Variants in ABLIM2 observed in about 807,000 individuals in gnomAD.
The protein encoded by ABLIM2 is actin binding LIM protein family member 2.
Under a neutral mutation model 97.7 loss-of-function variants are expected in ABLIM2, and 53 were observed. The observed-to-expected ratio is 0.54, with a 90% confidence interval of 0.44 to 0.68. The LOEUF is 0.68. Ranked by LOEUF, ABLIM2 falls within the 30% of genes least tolerant of loss-of-function variation. ABLIM2 has a pLI of 0.00. For synonymous variants in ABLIM2, 361 were observed against 345.8 expected, an observed-to-expected ratio of 1.04 and a Z score of -0.49; for missense variants, 835 against 867.2, an observed-to-expected ratio of 0.96 and a Z score of 0.47.
At chr4:8,026,842 C>A (rs1321304551) in intron 12 of ABLIM2, among the ~76,000 whole-genome samples, 1 of 150,372 alleles carries the variant, frequency 6.7e-6, no homozygotes, top group Non-Finnish European at 1.5e-5. Flanking sequence ...TCTGCAGTGG[C>A]CTTTTACCTG....
Position 8,158,731 on chromosome 4 carries a change from A to G in ABLIM2, c.-42T>C. ...AGTCGGGGCGGCCCGGCGCTGCGAC[A>G]GCCAGACCCTCGGGCCCGCAGGTGC... On this transcript the variant is annotated 5_prime_UTR_variant, in exon 1 of 21. Coordinates refer to ENST00000447017, the MANE Select transcript of ABLIM2 (RefSeq NM_001130083.2). 1 of 1,409,814 alleles carries G rather than the reference A, an allele frequency of 7.1e-7. No individual in the cohort carries two copies. The highest frequency in any genetic ancestry group is 1.5e-5 in the South Asian group (1 of 67,816). The allele number at this position is 1,409,814 out of a possible 1,614,324, so 87.3% of individuals were successfully genotyped here.
At chr4:7,993,881 C>T (rs932815103) in intron 16 of ABLIM2, 9 of 498,070 alleles carry the variant, frequency 1.8e-5, no homozygotes, top group African/African-American at 3.9e-5. Flanking sequence ...CACTCATGTC[C>T]CTGGCTGGCC....
intron 1 of ABLIM2, among the ~76,000 whole-genome samples, chr4:8,117,724 A>G (rs924906620): frequency 6.6e-6 from 1 of 151,970 alleles, no homozygotes; most frequent in Non-Finnish European, 1.5e-5. Context: ...ACCTAACCGT[A>G]CTGGGATGAC....
chr4:8,040,816 C>A (rs2151602554), intron 9 of ABLIM2, among the ~76,000 whole-genome samples: 1 of 152,296 alleles, frequency 6.6e-6, no homozygotes, highest in African/African-American at 2.4e-5. Flanking sequence ...TGCAGCCAGG[C>A]TGGGTGCTGA....
chr4:8,007,178 CA>C lies in ABLIM2; in HGVS notation c.1618+880del, dbSNP rs564152002. On this transcript the variant is annotated intron_variant, in intron 16 of 20. Coordinates refer to ENST00000447017, the MANE Select transcript of ABLIM2 (RefSeq NM_001130083.2). The stretch of plus-strand genomic sequence containing the variant: ...TGAGGATGAGGATGAGGATGAGAAA[CA>C]GTTTCTGTTTACTGAGCAGCTACTA... 6.1e-6 allele frequency: 6 copies of C among 985,300 alleles called. No homozygotes were observed. In the South Asian group the frequency reaches 2.8e-4, roughly 46 times the overall value. 61.0% of individuals were successfully genotyped at this position (985,300 alleles called of 1,614,324 possible). A position where few individuals can be genotyped will look rare whatever the true frequency, so the allele number is the denominator to read the frequency against.
chr4:8,100,863 C>T (rs1276891708), intron 2 of ABLIM2, among the ~76,000 whole-genome samples: 5 of 151,534 alleles, frequency 3.3e-5, no homozygotes, highest in Non-Finnish European at 5.9e-5. Context: ...GTGACGACTA[C>T]ATTTACTGTG....
chr4:8,148,307 G>A lies in ABLIM2; in HGVS notation c.10+10373C>T, dbSNP rs1284345926. On this transcript the variant is annotated intron_variant, in intron 1 of 20. Coordinates refer to ENST00000447017, the MANE Select transcript of ABLIM2 (RefSeq NM_001130083.2). This position sits in a 1 kb window ranked among gnomAD's most constrained non-coding sequence, Gnocchi z 6.7. ...GGATGAGAGGGCTGCAGCTGCAGGT[G>A]ACCTAAGCAGCACTGTGGGCCTGCG... is the stretch of plus-strand genomic sequence containing the variant. Among the ~76,000 whole-genome samples the A allele has an allele frequency of 6.6e-6, 1 of 152,184 alleles. No homozygotes were observed. The highest frequency in any genetic ancestry group is 1.5e-5 in the Non-Finnish European group (1 of 68,016).
At chr4:8,053,154 G>A (rs776505031) in intron 8 of ABLIM2, among the ~76,000 whole-genome samples, 6 of 152,208 alleles carry the variant, frequency 3.9e-5, no homozygotes, top group Non-Finnish European at 8.8e-5. Context: ...TCTATTCAAA[G>A]TCACCCCTCT....
At position 8,061,276 on chromosome 4, in the gene ABLIM2, G is replaced by C. The variant is rs531251570; in HGVS notation, c.676-222C>G. 2.8e-4 allele frequency among the ~76,000 whole-genome samples: 43 copies of C among 152,272 alleles called. No individual in the cohort carries two copies. Among genetic ancestry groups the C allele is most frequent in the African/African-American group, 9.9e-4 (41 of 41,566 alleles). On this transcript the variant is annotated intron_variant, in intron 6 of 20. Transcript: ENST00000447017. This position sits in a 1 kb window ranked among gnomAD's most constrained non-coding sequence, Gnocchi z 4.5. ...CTGTGGGGAGGCAGGGGGAGACCTGGCTGCACTTGCCCAGCCTGCAGGAGC... is the reference window on the plus strand; with the variant it reads ...CTGTGGGGAGGCAGGGGGAGACCTGCCTGCACTTGCCCAGCCTGCAGGAGC...
chr4:7,968,617 G>A (rs955462535), intron 20 of ABLIM2, among the ~76,000 whole-genome samples: 10 of 152,330 alleles, frequency 6.6e-5, no homozygotes, highest in African/African-American at 2.4e-4. Context: ...TCTCTGAAGT[G>A]TCCGGAACAG....
intron 20 of ABLIM2, among the ~76,000 whole-genome samples, chr4:7,978,972 G>C (rs1199292651): frequency 1.3e-5 from 2 of 152,134 alleles, no homozygotes; most frequent in Admixed American, 6.5e-5. Flanking sequence ...TGGATTTGCA[G>C]CCTCATCTGC....
intron 2 of ABLIM2, among the ~76,000 whole-genome samples, chr4:8,098,562 T>G (rs541191966): frequency 6.6e-6 from 1 of 152,308 alleles, no homozygotes; most frequent in African/African-American, 2.4e-5. Flanking sequence ...AGGGTTTACT[T>G]GTCTCCATTT....
At position 8,124,732 on chromosome 4, in the gene ABLIM2, T is replaced by G. The variant is rs993942100; in HGVS notation, c.11-18095A>C. On this transcript the variant is annotated intron_variant, in intron 1 of 20. Coordinates refer to ENST00000447017, the MANE Select transcript of ABLIM2 (RefSeq NM_001130083.2). This position sits in a 1 kb window ranked among gnomAD's most constrained non-coding sequence, Gnocchi z 6.1. Reference sequence around the variant, plus strand: ...GGCTATGAACATTCGAGTGTGAATATTCGTGTGGACATAGGTTTGCATGCT... The same window carrying G: ...GGCTATGAACATTCGAGTGTGAATAGTCGTGTGGACATAGGTTTGCATGCT... Among the ~76,000 whole-genome samples the G allele has an allele frequency of 6.6e-6, 1 of 152,216 alleles. No homozygotes were observed. The highest frequency in any genetic ancestry group is 2.4e-5 in the African/African-American group (1 of 41,446).
chr4:7,999,312 C>T lies in ABLIM2; in HGVS notation c.1619-6385G>A, dbSNP rs1755508449. On this transcript the variant is annotated intron_variant, in intron 16 of 20. Transcript: ENST00000447017. This position sits in a 1 kb window ranked among gnomAD's most constrained non-coding sequence, Gnocchi z 4.4. ...ACCTCAGGTGATCTGCCTGCCTCGG[C>T]CTCCAAAAATGCTGAGATTACAGGC... 6.6e-6 allele frequency among the ~76,000 whole-genome samples: 1 copy of T among 152,292 alleles called. No individual in the cohort carries two copies. The highest frequency in any genetic ancestry group is 2.1e-4 in the South Asian group (1 of 4,824).
chr4:7,973,115 G>GTGTGTGT (rs1347584652), intron 20 of ABLIM2, among the ~76,000 whole-genome samples: 36 of 149,770 alleles, frequency 2.4e-4, no homozygotes, highest in Admixed American at 4.0e-4. Flanking sequence ...GTGTGTGTAG[G>GTGTGTGT]GTGAGGGATG....
rs1458979836 is a variant in ABLIM2 at position 8,072,663 on chromosome 4, C to T, written c.675+4965G>A. 6.6e-6 allele frequency among the ~76,000 whole-genome samples: 1 copy of T among 152,220 alleles called. No individual in the cohort carries two copies. Among genetic ancestry groups the T allele is most frequent in the African/African-American group, 2.4e-5 (1 of 41,458 alleles). On this transcript the variant is annotated intron_variant, in intron 6 of 20. Coordinates refer to ENST00000447017, the MANE Select transcript of ABLIM2 (RefSeq NM_001130083.2). The surrounding 1 kb of genome is among the most constrained non-coding windows in gnomAD (Gnocchi z 5.8). ...CACCCCGGGCTCCAGTCTGGCTCTG[C>T]CACCGACTCTCAGTGGCTGATGGCC... is the stretch of plus-strand genomic sequence containing the variant.
chr4:8,008,283 C>A (rs1762669507), intron 15 of ABLIM2, 83 bp from the exon 16 acceptor site: 1 of 1,356,628 alleles, frequency 7.4e-7, no homozygotes, highest in Middle Eastern at 1.9e-4. Context: ...CTTGTAGCTT[C>A]CTTACTTCTA....
chr4:7,991,928 G>A (rs1749061322), intron 17 of ABLIM2, among the ~76,000 whole-genome samples: 1 of 152,188 alleles, frequency 6.6e-6, no homozygotes, highest in Non-Finnish European at 1.5e-5. Flanking sequence ...GCCATCCCAG[G>A]GTTACACACA....
chr4:8,020,133 T>C, intron 13 of ABLIM2, 69 bp downstream of exon 13: 1 of 1,433,558 alleles, frequency 7.0e-7, no homozygotes, highest in Non-Finnish European at 9.6e-7. Flanking sequence ...GCTGACAGTT[T>C]GGGTGTGGCC....
Sources: allele counts gnomAD v4.1 joint callset (sites outside exome capture counted in the v4.1 genomes callset), GRCh38; gene constraint gnomAD v4.1.1; non-coding constraint Gnocchi (gnomAD v3.1); transcripts MANE v1.5; gene names NCBI Gene and HGNC (gene_info 2026-07-23, HGNC 2026-07-21).